NBAS: variants seen among roughly 807,000 people sequenced by gnomAD.
NBAS encodes NAG/BC035112 fusion.
Under a neutral mutation model 302.5 loss-of-function variants are expected in NBAS, and 219 were observed. The observed-to-expected ratio is 0.72, with a 90% CI of 0.65 to 0.81. The LOEUF is 0.81. Ranked by LOEUF, NBAS falls within the 30% of genes least tolerant of loss-of-function variation. The pLI is 0.00. For synonymous variants in NBAS, 1,118 were observed against 1,021.6 expected (o/e 1.09, Z -1.80); for missense variants, 2,932 against 2,841.6 (o/e 1.03, Z -0.72).
the NBAS span, among the ~76,000 whole-genome samples, chr2:14,893,659 T>G: frequency 6.6e-6 from 1 of 152,206 alleles, no homozygotes; most frequent in Non-Finnish European, 1.5e-5. Context: ...TGAATAACTT[T>G]CAGTGGATTT....
chr2:15,220,083 A>C (rs1255054454), intron 47 of NBAS, among the ~76,000 whole-genome samples: 2 of 94,912 alleles, frequency 2.1e-5, no homozygotes, highest in African/African-American at 4.5e-5. Context: ...CGGGGGGCTG[A>C]CCCCCCCCAC....
chr2:15,420,078 T>C (rs188261244), intron 23 of NBAS, among the ~76,000 whole-genome samples: 107 of 152,220 alleles, frequency 7.0e-4, no homozygotes, highest in African/African-American at 2.4e-3. Context: ...GGGATCTAAA[T>C]GGGTCACAAC....
chr2:15,455,063 C>T (rs1049899837), intron 21 of NBAS, among the ~76,000 whole-genome samples: 11 of 152,130 alleles, frequency 7.2e-5, no homozygotes, highest in Admixed American at 4.6e-4. Context: ...CCACCATGCC[C>T]GGCTAATTTT....
At chr2:14,926,916 A>G in the NBAS span, among the ~76,000 whole-genome samples, 13,289 of 152,320 alleles carry the variant, frequency 0.087, 654 homozygotes, top group African/African-American at 0.11. Context: ...TTTGCTGAAC[A>G]TTATTCTGGA....
the NBAS span, among the ~76,000 whole-genome samples, chr2:15,044,670 TG>T: frequency 6.6e-6 from 1 of 152,170 alleles, no homozygotes; most frequent in Non-Finnish European, 1.5e-5. Context: ...CTCTGCATAA[TG>T]GGGGTTATAA....
chr2:15,292,414 A>C, intron 41 of NBAS, 123 bp downstream of exon 41: 1 of 981,030 alleles, frequency 1.0e-6, no homozygotes, highest in South Asian at 1.5e-5. Context: ...AGTTGGGGAA[A>C]GCCCTATTCA....
At chr2:14,877,718 G>A in the NBAS span, among the ~76,000 whole-genome samples, 1 of 152,160 alleles carries the variant, frequency 6.6e-6, no homozygotes, top group Non-Finnish European at 1.5e-5. Context: ...CCTGACTTGA[G>A]TGTTAGAGAC....
At position 15,379,818 on chromosome 2, in the gene NBAS, C is replaced by T; in HGVS notation, c.3374G>A (p.Ser1125Asn). Residue 1125 changes from serine (S) to asparagine (N), a missense_variant, in exon 30 of 52, where the codon AGC becomes AAC. Transcript: ENST00000281513. ...SDACYEIFTE[S>N]LLCSSRLENI... ...TTCAAGGCGACTAGAGCACAGAAGG[C>T]TTTCTGTAAATATCTGGAAAAAAGG... is the stretch of plus-strand genomic sequence containing the variant. 6.2e-7 allele frequency: 1 copy of T among 1,613,856 alleles called. No individual in the cohort carries two copies. The highest frequency in any genetic ancestry group is 1.7e-5 in the Admixed American group (1 of 60,004).
At chr2:15,401,534 G>C (rs917665202) in intron 26 of NBAS, among the ~76,000 whole-genome samples, 1 of 151,958 alleles carries the variant, frequency 6.6e-6, no homozygotes, top group African/African-American at 2.4e-5. Context: ...TTTAAAACAG[G>C]TCTGCTGGTA....
the NBAS span, among the ~76,000 whole-genome samples, chr2:15,142,889 T>C: frequency 3.3e-5 from 5 of 152,132 alleles, no homozygotes; most frequent in East Asian, 1.9e-4. Flanking sequence ...AAAAGAAACA[T>C]CCCTCCGTTT....
At chr2:14,889,622 C>G in the NBAS span, among the ~76,000 whole-genome samples, 1 of 152,184 alleles carries the variant, frequency 6.6e-6, no homozygotes, top group South Asian at 2.1e-4. Context: ...GATGCATTGG[C>G]CTGGCATAAA....
the NBAS span, among the ~76,000 whole-genome samples, chr2:14,898,166 C>G: frequency 6.6e-6 from 1 of 152,244 alleles, no homozygotes; most frequent in African/African-American, 2.4e-5. Context: ...TAAGGACTGC[C>G]TTTTTATTGA....
At chr2:15,415,793 A>G in intron 24 of NBAS, 74 bp from the exon 25 acceptor site, 1 of 1,520,362 alleles carries the variant, frequency 6.6e-7, no homozygotes, top group East Asian at 2.3e-5. Context: ...TCAGACAGCG[A>G]GTTCTAAAGC....
chr2:15,064,332 G>C, the NBAS span, among the ~76,000 whole-genome samples: 1 of 147,690 alleles, frequency 6.8e-6, no homozygotes, highest in African/African-American at 2.5e-5. Context: ...CAGAAACGAG[G>C]AGACATTACA....
intron 13 of NBAS, among the ~76,000 whole-genome samples, chr2:15,476,790 T>A (rs1453583691): frequency 6.6e-6 from 1 of 152,228 alleles, no homozygotes; most frequent in African/African-American, 2.4e-5. Context: ...CCATATTTAT[T>A]ATAATTTTAC....
the NBAS span, among the ~76,000 whole-genome samples, chr2:14,826,187 G>C: frequency 6.6e-6 from 1 of 152,186 alleles, no homozygotes; most frequent in Non-Finnish European, 1.5e-5. Context: ...TTTTTCTAAA[G>C]CTCAAAGGGG....
chr2:15,490,008 C>G (rs991989808), intron 11 of NBAS, among the ~76,000 whole-genome samples: 2 of 152,182 alleles, frequency 1.3e-5, no homozygotes, highest in Admixed American at 6.5e-5. Context: ...CAGATGACAA[C>G]AGAACTTGGT....
the NBAS span, among the ~76,000 whole-genome samples, chr2:14,980,751 A>AGAATTGCTGGGTCATATGG: frequency 6.6e-6 from 1 of 152,236 alleles, no homozygotes; most frequent in African/African-American, 2.4e-5. Flanking sequence ...TCTGGAAGAT[A>AGAATTGCTGGGTCATATGG]TAAAAGAAAC....
At chr2:15,514,271 T>C (rs1662282327) in intron 9 of NBAS, among the ~76,000 whole-genome samples, 1 of 152,192 alleles carries the variant, frequency 6.6e-6, no homozygotes, top group East Asian at 1.9e-4. Context: ...GGAGTCAGTA[T>C]ACTATTCTAC....
Sources: allele counts gnomAD v4.1 joint callset (sites outside exome capture counted in the v4.1 genomes callset), GRCh38; gene constraint gnomAD v4.1.1; transcripts MANE v1.5; gene names NCBI Gene and HGNC (gene_info 2026-07-23, HGNC 2026-07-21).